Variants in REV1 observed in about 807,000 individuals in gnomAD.
REV1 encodes the protein translesion synthesis protein REV1.
A neutral mutation model predicts 137.4 loss-of-function variants in REV1; 42 were observed. The observed-to-expected ratio is 0.31, with a 90% CI of 0.24 to 0.40. The LOEUF is 0.40. REV1 is among the 10% of genes least tolerant of loss of function. The probability of loss-of-function intolerance (pLI) is 1.00; values close to 1 mark genes in which losing one functional copy is unlikely to be tolerated. For missense variants in REV1, 1,282 were observed against 1,490.1 expected (o/e 0.86, Z 2.30); for synonymous variants, 524 against 519.2 (o/e 1.01, Z -0.12).
Position 99,404,645 on chromosome 2 carries a change from A to T in REV1, c.2844T>A (p.Pro948=). 1 of 1,611,842 alleles carries T rather than the reference A, an allele frequency of 6.2e-7. No individual in the cohort carries two copies. The highest frequency in any genetic ancestry group is 8.5e-7 in the Non-Finnish European group (1 of 1,179,476). The change falls in exon 18 of 23, where the codon CCT becomes CCA. Residue 948 remains proline (P), a synonymous_variant. Coordinates refer to ENST00000258428, the MANE Select transcript of REV1 (RefSeq NM_016316.4). The part of the protein sequence containing the change: ...LDQSVLEALP[P]DLREQVEQVC... ...CTTGCTCTACTTGTTCCCGGAGATCAGGTGGAAGTGCTTCTAAAACAGACT... is the reference window on the plus strand; with the variant it reads ...CTTGCTCTACTTGTTCCCGGAGATCTGGTGGAAGTGCTTCTAAAACAGACT...
intron 3 of REV1, among the ~76,000 whole-genome samples, chr2:99,453,323 C>T (rs1333897069): frequency 6.7e-6 from 1 of 150,178 alleles, no homozygotes; most frequent in Non-Finnish European, 1.5e-5. Flanking sequence ...TGTGCCACTG[C>T]ACTCCAGCCT....
At chr2:99,470,045 C>G (rs1400220980) in intron 1 of REV1, among the ~76,000 whole-genome samples, 1 of 151,194 alleles carries the variant, frequency 6.6e-6, no homozygotes, top group African/African-American at 2.4e-5. Context: ...GGCGTGAACC[C>G]GGGAGGTGGA....
intron 2 of REV1, among the ~76,000 whole-genome samples, chr2:99,463,648 G>A (rs1266998893): frequency 6.6e-6 from 1 of 152,010 alleles, no homozygotes; most frequent in African/African-American, 2.4e-5. Flanking sequence ...TTTTTTGACA[G>A]GGTCTTGCTG....
At chr2:99,408,658 G>A (rs1451424419) in intron 14 of REV1, among the ~76,000 whole-genome samples, 1 of 152,182 alleles carries the variant, frequency 6.6e-6, no homozygotes, top group East Asian at 1.9e-4. Context: ...ACTCTTGAAG[G>A]AGGACCAAAT....
At chr2:99,478,099 G>A (rs1377114165) in intron 1 of REV1, among the ~76,000 whole-genome samples, 3 of 152,110 alleles carry the variant, frequency 2.0e-5, no homozygotes, top group Non-Finnish European at 2.9e-5. Flanking sequence ...GAGCGTGGTG[G>A]TGCACACCTG....
rs781470452 is a variant in REV1, at chr2:99,404,635, C to G, written c.2854G>C (p.Glu952Gln). The G allele has an allele frequency of 2.5e-6, 4 of 1,611,682 alleles. No homozygotes were observed. Among genetic ancestry groups the G allele is most frequent in the Non-Finnish European group, 3.4e-6 (4 of 1,179,512 alleles). The change falls in exon 18 of 23, where the codon GAA becomes CAA. Residue 952 changes from glutamate (E) to glutamine (Q), a missense_variant. Physicochemically the swap from Glu to Gln is conservative, Grantham distance 29 (BLOSUM62 2). This residue lies in a region of REV1 where 135 missense variants were observed against 123.3 expected (regional missense o/e 1.10). Coordinates refer to ENST00000258428, the MANE Select transcript of REV1 (RefSeq NM_016316.4). ...VLEALPPDLR[E>Q]QVEQVCAVQQ... ...ACAGCACAGACTTGCTCTACTTGTTCCCGGAGATCAGGTGGAAGTGCTTCT... is the reference window on the plus strand; with the variant it reads ...ACAGCACAGACTTGCTCTACTTGTTGCCGGAGATCAGGTGGAAGTGCTTCT...
intron 1 of REV1, among the ~76,000 whole-genome samples, chr2:99,470,458 C>A (rs191403295): frequency 5.3e-4 from 80 of 152,278 alleles, no homozygotes; most frequent in African/African-American, 1.9e-3. Context: ...TATTCAAAGA[C>A]CTGTGCTAAC....
chr2:99,435,790 T>C, intron 7 of REV1, 44 bp downstream of exon 7: 1 of 960,394 alleles, frequency 1.0e-6, no homozygotes, highest in Non-Finnish European at 1.6e-6. Context: ...TATATATTTA[T>C]AACAATATAT....
chr2:99,416,912 C>CA (rs755184253), intron 12 of REV1, among the ~76,000 whole-genome samples: 2,872 of 77,494 alleles, frequency 0.037, 224 homozygotes, highest in African/African-American at 0.12. Flanking sequence ...GACTCCATCT[C>CA]AAAAAAAAAA....
chr2:99,486,982 A>G (rs1238346604), intron 1 of REV1, among the ~76,000 whole-genome samples: 3 of 152,216 alleles, frequency 2.0e-5, no homozygotes, highest in African/African-American at 7.2e-5. Context: ...ATAAAGAATA[A>G]AAGATTATAA....
intron 1 of REV1, among the ~76,000 whole-genome samples, chr2:99,471,168 T>A (rs1232888148): frequency 6.6e-6 from 1 of 152,214 alleles, no homozygotes; most frequent in Non-Finnish European, 1.5e-5. Flanking sequence ...CCCTGCCATA[T>A]CTCTACTCAA....
intron 19 of REV1, 128 bp downstream of exon 19, chr2:99,403,567 T>C (rs1373947245): frequency 1.8e-6 from 2 of 1,135,082 alleles, no homozygotes; most frequent in Non-Finnish European, 2.6e-6. Flanking sequence ...CTTCAGATAT[T>C]ATCCCAATAT....
chr2:99,421,749 A>G (rs1462164181), intron 10 of REV1, 96 bp from the exon 11 acceptor site: 14 of 1,296,972 alleles, frequency 1.1e-5, no homozygotes, highest in Admixed American at 8.1e-5. Context: ...TCTTTTTTCT[A>G]TTTCCTCACA....
rs1675842933 is a variant in REV1 at position 99,403,675 on chromosome 2, A to G, written c.3166+20T>C. On this transcript the variant is annotated intron_variant, in intron 19 of 22. Coordinates refer to ENST00000258428, the MANE Select transcript of REV1 (RefSeq NM_016316.4). Reference sequence around the variant, plus strand: ...TACTCTTTGTCTTCATTTTTGTTACATGCCACTTCCAAGGCTCACCAGATG... The same window carrying G: ...TACTCTTTGTCTTCATTTTTGTTACGTGCCACTTCCAAGGCTCACCAGATG... 6.2e-7 allele frequency: 1 copy of G among 1,614,090 alleles called. No homozygotes were observed. The highest frequency in any genetic ancestry group is 8.5e-7 in the Non-Finnish European group (1 of 1,179,994).
intron 1 of REV1, among the ~76,000 whole-genome samples, chr2:99,468,793 C>T (rs1033621022): frequency 2.0e-5 from 3 of 152,172 alleles, no homozygotes; most frequent in African/African-American, 7.2e-5. Flanking sequence ...TTACCCTTAA[C>T]ATTTAGGGTA....
At chr2:99,468,002 G>A (rs1237624883) in intron 1 of REV1, among the ~76,000 whole-genome samples, 1 of 152,180 alleles carries the variant, frequency 6.6e-6, no homozygotes, top group African/African-American at 2.4e-5. Flanking sequence ...CCAACATGGA[G>A]AAACCCTGTC....
At position 99,439,203 on chromosome 2, in the gene REV1, T is replaced by C; in HGVS notation, c.611A>G (p.Glu204Gly). 2 of 1,614,176 alleles carry C rather than the reference T, an allele frequency of 1.2e-6. No individual in the cohort carries two copies. Among genetic ancestry groups the C allele is most frequent in the Non-Finnish European group, 1.7e-6 (2 of 1,180,006 alleles). ...CTGTTTCCTTCCCGGAGAGGTCTGC[T>C]CCAGATCCACAAAACTAAAATCATT... is the stretch of plus-strand genomic sequence containing the variant. ...ENNDFSFVDL[E>G]QTSPGRKQNG... is the part of the protein sequence containing the mutation. The change falls in exon 6 of 23, where the codon GAG (glutamate) becomes GGG (glycine). Residue 204 changes from glutamate (E) to glycine (G), a missense_variant. This residue lies in a region of REV1 where 432 missense variants were observed against 438.0 expected (regional missense o/e 0.99). Coordinates refer to ENST00000258428, the MANE Select transcript of REV1 (RefSeq NM_016316.4).
In REV1 at chr2:99,411,018, G is replaced by A. The variant is rs1677063401; in HGVS notation, c.2173-151C>T. 16 of 641,804 alleles carry A rather than the reference G, an allele frequency of 2.5e-5. No individual in the cohort carries two copies. The South Asian group carries it at 4.2e-4, about 17-fold the overall frequency. 39.8% of individuals were successfully genotyped at this position (641,804 alleles called of 1,614,324 possible). ...AAAAAGAAACGTGGCCAGGCGCGGT[G>A]GCTCACACCTGTAATCCCAGCACTT... On this transcript the variant is annotated intron_variant, in intron 13 of 22. Transcript: ENST00000258428.
chr2:99,419,205 A>G (rs1415807893), intron 11 of REV1, among the ~76,000 whole-genome samples: 4 of 116,018 alleles, frequency 3.4e-5, no homozygotes, highest in African/African-American at 1.3e-4. Flanking sequence ...AGCAGTCCTG[A>G]TTTTTTTTTT....
Sources: gnomAD v4.1 joint callset for allele counts (sites outside exome capture counted in the v4.1 genomes callset) on GRCh38, gnomAD v4.1.1 for gene constraint, gnomAD v4.1.1 regional missense constraint, MANE v1.5 for transcripts, NCBI Gene and HGNC (gene_info 2026-07-23, HGNC 2026-07-21) for gene names.